ADGRL1: variants seen among roughly 807,000 people sequenced by gnomAD.
ADGRL1 encodes CIRL-1.
ADGRL1 carries 31 observed loss-of-function variants against 148.9 expected under a neutral mutation model. The observed-to-expected ratio is 0.21, with a 90% CI of 0.16 to 0.28. The LOEUF (loss-of-function observed/expected upper bound fraction) is 0.28, where lower values mean the gene tolerates loss of function less well. Ranked by LOEUF, ADGRL1 falls within the 10% of genes least tolerant of loss-of-function variation. The pLI is 1.00. For synonymous variants in ADGRL1, 937 were observed against 900.3 expected (o/e 1.04, Z -0.73); for missense variants, 1,521 against 2,058.8 (o/e 0.74, Z 5.05).
chr19:14,177,412 C>T, intron 3 of ADGRL1, 119 bp downstream of exon 3: 1 of 917,794 alleles, frequency 1.1e-6, no homozygotes, highest in Non-Finnish European at 1.7e-6. Flanking sequence ...CTATTAAGTG[C>T]TCAGTAAACA....
At chr19:14,166,273 GC>G (rs1969954294) in intron 4 of ADGRL1, among the ~76,000 whole-genome samples, 1 of 148,770 alleles carries the variant, frequency 6.7e-6, no homozygotes, top group Non-Finnish European at 1.5e-5. Flanking sequence ...TTGGCAGGCT[GC>G]CCCCTCCCAG....
intron 2 of ADGRL1, among the ~76,000 whole-genome samples, chr19:14,177,992 T>G (rs553871509): frequency 1.3e-5 from 2 of 152,282 alleles, no homozygotes; most frequent in Admixed American, 1.3e-4. Context: ...TTTGGAATGC[T>G]CTGCTTGATA....
At chr19:14,187,381 A>T (rs1971638937) in intron 1 of ADGRL1, among the ~76,000 whole-genome samples, 1 of 152,124 alleles carries the variant, frequency 6.6e-6, no homozygotes, top group Admixed American at 6.5e-5. Context: ...CTCAATAAAT[A>T]AAGATCCCCA....
Position 14,159,049 on chromosome 19 carries a change from G to T in ADGRL1, c.2149+41C>A. The T allele has an allele frequency of 6.2e-7, 1 of 1,610,026 alleles. No individual in the cohort carries two copies. Among genetic ancestry groups the T allele is most frequent in the South Asian group, 1.1e-5 (1 of 90,924 alleles). On this transcript the variant is annotated intron_variant, in intron 11 of 22. Coordinates refer to ENST00000361434, the MANE Select transcript of ADGRL1 (RefSeq NM_014921.5). The surrounding 1 kb of genome is among the most constrained non-coding windows in gnomAD (Gnocchi z 6.0). ...TGGCACAGAGCTGGGGGGTGGGGGT[G>T]GGGCTGCTTCCCCACCCGAGGCCCC... is the stretch of plus-strand genomic sequence containing the variant.
In ADGRL1 at chr19:14,152,743, T is replaced by TGAG. The variant is rs1968338994; in HGVS notation, c.3423+40_3423+41insCTC. On this transcript the variant is annotated intron_variant, in intron 19 of 22. Coordinates refer to ENST00000361434, the MANE Select transcript of ADGRL1 (RefSeq NM_014921.5). The surrounding 1 kb of genome is among the most constrained non-coding windows in gnomAD (Gnocchi z 6.1). ...CACTCCCCACCTCTCAGGCTCCAGG[T>TGAG]TCCAACACTCAGCCCCAGGGAGTCC... The TGAG allele has an allele frequency of 1.9e-6, 3 of 1,609,896 alleles. No homozygotes were observed. The highest frequency in any genetic ancestry group is 1.7e-6 in the Non-Finnish European group (2 of 1,176,952).
intron 1 of ADGRL1, chr19:14,191,066 G>A (rs573825088): frequency 6.7e-6 from 3 of 446,748 alleles, no homozygotes; most frequent in East Asian, 7.1e-5. Flanking sequence ...TAGCCTGGCC[G>A]ACAGAGCAAG....
At chr19:14,198,166 G>A (rs1972384018) in intron 1 of ADGRL1, among the ~76,000 whole-genome samples, 1 of 151,912 alleles carries the variant, frequency 6.6e-6, no homozygotes, top group African/African-American at 2.4e-5. Flanking sequence ...AGGTGAGGGC[G>A]GCTGGGGAGG....
At chr19:14,202,054 C>T (rs1438800510) in intron 1 of ADGRL1, among the ~76,000 whole-genome samples, 1 of 151,968 alleles carries the variant, frequency 6.6e-6, no homozygotes, top group Non-Finnish European at 1.5e-5. Flanking sequence ...TGCAAACGCC[C>T]CGGGGTAGGA....
chr19:14,156,421 G>A (rs1410899270), intron 16 of ADGRL1, among the ~76,000 whole-genome samples: 1 of 152,092 alleles, frequency 6.6e-6, no homozygotes, highest in African/African-American at 2.4e-5. Flanking sequence ...CAAGGCCCAT[G>A]GCCTGACACA....
At chr19:14,158,164 G>C in intron 12 of ADGRL1, 112 bp from the exon 13 acceptor site, 2 of 1,299,496 alleles carry the variant, frequency 1.5e-6, no homozygotes, top group Non-Finnish European at 2.2e-6. Flanking sequence ...GAAGTGCCTG[G>C]GGTCTGGGGC....
In ADGRL1 at chr19:14,157,361, A is replaced by C. The variant is rs1340427031; in HGVS notation, c.2635T>G (p.Phe879Val). The C allele has an allele frequency of 1.2e-6, 2 of 1,614,074 alleles. No homozygotes were observed. The highest frequency in any genetic ancestry group is 3.3e-5 in the Admixed American group (2 of 60,010). The change falls in exon 14 of 23, where the codon TTC (phenylalanine) becomes GTC (valine). Residue 879 changes from phenylalanine (F) to valine (V), a missense_variant. Around this residue, in one of 8 missense-constraint regions of ADGRL1, gnomAD observed 265 missense variants for 431.9 expected, o/e 0.61. Coordinates refer to ENST00000361434, the MANE Select transcript of ADGRL1 (RefSeq NM_014921.5). This position sits in a 1 kb window ranked among gnomAD's most constrained non-coding sequence, Gnocchi z 7.5. ...CLAICISTFC[F>V]LRGLQTDRNT... is the part of the protein sequence containing the mutation. ...CGGTCGGTCTGCAGCCCCCGCAGGA[A>C]GCAGAAGGTGGAGATGCAGATGGCC...
intron 1 of ADGRL1, among the ~76,000 whole-genome samples, chr19:14,195,262 C>T (rs1264800336): frequency 1.3e-5 from 2 of 152,178 alleles, no homozygotes; most frequent in South Asian, 2.1e-4. Context: ...CTAAGCCCTG[C>T]GTCTGTCTCA....
chr19:14,151,054 G>C lies in ADGRL1; in HGVS notation c.4229C>G (p.Ala1410Gly), dbSNP rs902694073. ...PSEALPPPPP[A>G]PPGPPEIYYT... is the part of the protein sequence containing the mutation. ...GTAGATTTCGGGGGGGCCGGGGGGT[G>C]CGGGAGGGGGTGGGGGCAGGGCCTC... The change falls in exon 23 of 23, where the codon GCA (alanine) becomes GGA (glycine). Residue 1410 changes from alanine (A) to glycine (G), a missense_variant. This residue lies in a region of ADGRL1 where 390 missense variants were observed against 375.0 expected (regional missense o/e 1.04). Transcript: ENST00000361434. 6.7e-7 allele frequency: 1 copy of C among 1,490,216 alleles called. No individual in the cohort carries two copies. The allele number at this position is 1,490,216 out of a possible 1,614,324, so 92.3% of individuals were successfully genotyped here.
chr19:14,156,565 G>A (rs1174428884), intron 16 of ADGRL1, 93 bp downstream of exon 16: 2 of 813,184 alleles, frequency 2.5e-6, no homozygotes, highest in African/African-American at 1.8e-5. Flanking sequence ...GTGTGTGTGT[G>A]TGGGGGGGGT....
At chr19:14,198,451 C>A (rs1972405065) in intron 1 of ADGRL1, among the ~76,000 whole-genome samples, 1 of 152,144 alleles carries the variant, frequency 6.6e-6, no homozygotes, top group Non-Finnish European at 1.5e-5. Context: ...CTGCTTCTGG[C>A]CCCCACCTTG....
intron 3 of ADGRL1, among the ~76,000 whole-genome samples, chr19:14,171,741 C>A (rs2144887604): frequency 1.3e-5 from 2 of 152,304 alleles, no homozygotes; most frequent in South Asian, 4.1e-4. Context: ...AGGGGAAAGC[C>A]ATTCTCGGTT....
chr19:14,198,398 G>C (rs775915193), intron 1 of ADGRL1, among the ~76,000 whole-genome samples: 1 of 152,104 alleles, frequency 6.6e-6, no homozygotes, highest in Non-Finnish European at 1.5e-5. Context: ...TTTGTCCACA[G>C]GGCTGTCAAA....
intron 1 of ADGRL1, among the ~76,000 whole-genome samples, chr19:14,185,705 T>A (rs1315918466): frequency 6.6e-6 from 1 of 152,222 alleles, no homozygotes; most frequent in South Asian, 2.1e-4. Context: ...CTCAGTACCA[T>A]CATTGAGCCA....
At position 14,177,481 on chromosome 19, in the gene ADGRL1, T is replaced by C. The variant is rs746907124; in HGVS notation, c.284+50A>G. On this transcript the variant is annotated intron_variant, in intron 3 of 22. Transcript: ENST00000361434. ...AACGGGTGTGCTGGCAGGTGTGCAG[T>C]GCTTTTAGGCGGGCACTTCATCCAG... is the stretch of plus-strand genomic sequence containing the variant. 3 of 1,546,474 alleles carry C rather than the reference T, an allele frequency of 1.9e-6. No individual in the cohort carries two copies. The Admixed American group carries it at 5.0e-5, about 26-fold the overall frequency.
Sources: gnomAD v4.1 joint callset for allele counts (sites outside exome capture counted in the v4.1 genomes callset) on GRCh38, gnomAD v4.1.1 for gene constraint, gnomAD v4.1.1 regional missense constraint, Gnocchi (gnomAD v3.1) non-coding constraint, MANE v1.5 for transcripts, NCBI Gene and HGNC (gene_info 2026-07-23, HGNC 2026-07-21) for gene names.